MARCHF8: variants seen among roughly 807,000 people sequenced by gnomAD.
The protein encoded by MARCHF8 is membrane associated ring-CH-type finger 8, also known as E3 ubiquitin-protein ligase MARCHF8.
MARCHF8 carries 40 observed loss-of-function variants against 51.6 expected under a neutral mutation model. The observed-to-expected ratio is 0.77, with a 90% CI of 0.60 to 1.01. The LOEUF is 1.01. Among genes scored for constraint, MARCHF8 ranks in the 50% least tolerant of loss-of-function variants. MARCHF8 has a pLI of 0.00. For missense variants in MARCHF8, 685 were observed against 708.6 expected, an observed-to-expected ratio of 0.97 and a Z score of 0.38; for synonymous variants, 263 against 280.3, an observed-to-expected ratio of 0.94 and a Z score of 0.62.
chr10:45,498,039 A>G (rs1371986596), intron 2 of MARCHF8, among the ~76,000 whole-genome samples: 1 of 152,242 alleles, frequency 6.6e-6, no homozygotes, highest in African/African-American at 2.4e-5. Context: ...AGGTAACATT[A>G]TACTTAATGG....
At chr10:45,476,086 GC>G (rs2042782176) in intron 3 of MARCHF8, among the ~76,000 whole-genome samples, 2 of 152,192 alleles carry the variant, frequency 1.3e-5, no homozygotes, top group South Asian at 4.1e-4. Context: ...TCCTACAACA[GC>G]AAATTAAGAA....
intron 2 of MARCHF8, among the ~76,000 whole-genome samples, chr10:45,511,777 G>T (rs1454739263): frequency 6.6e-5 from 10 of 152,140 alleles, no homozygotes; most frequent in Admixed American, 6.5e-4. Flanking sequence ...CCTCCCAGCC[G>T]CCTGCCTTGG....
At chr10:45,488,993 T>C (rs540189486) in intron 3 of MARCHF8, among the ~76,000 whole-genome samples, 1 of 152,306 alleles carries the variant, frequency 6.6e-6, no homozygotes, top group South Asian at 2.1e-4. Flanking sequence ...TCCAGACACC[T>C]TGTCAAATGA....
At chr10:45,527,044 A>G (rs1347515501) in intron 2 of MARCHF8, among the ~76,000 whole-genome samples, 5 of 152,230 alleles carry the variant, frequency 3.3e-5, no homozygotes, top group Admixed American at 2.6e-4. Flanking sequence ...TGAAATTAAG[A>G]TGGAAGTTTA....
chr10:45,499,412 T>C (rs2043236107), intron 2 of MARCHF8, among the ~76,000 whole-genome samples: 1 of 152,206 alleles, frequency 6.6e-6, no homozygotes, highest in South Asian at 2.1e-4. Context: ...ACTGTTTCCT[T>C]TGATGCCCAG....
In MARCHF8 at chr10:45,562,490, C is replaced by G. The variant is rs190580127; in HGVS notation, c.-78-29201G>C. ...CCAGCAGACAGTAGAATATTATCTT[C>G]GAAGTATCAAGGAAACTTGTCAACT... On this transcript the variant is annotated intron_variant, in intron 1 of 6. Coordinates refer to the MARCHF8 transcript ENST00000319836. Among the ~76,000 whole-genome samples, 26 of 152,230 alleles carry G rather than the reference C, an allele frequency of 1.7e-4. No individual in the cohort carries two copies. The East Asian group carries it at 5.0e-3, about 29-fold the overall frequency.
chr10:45,573,685 C>T (rs1209533922), intron 1 of MARCHF8, among the ~76,000 whole-genome samples: 2 of 152,192 alleles, frequency 1.3e-5, no homozygotes, highest in African/African-American at 4.8e-5. Context: ...AAGACTGATG[C>T]TGCCCGATCA....
chr10:45,471,816 C>T lies in MARCHF8; in HGVS notation c.154-7489G>A, dbSNP rs1293939733. On this transcript the variant is annotated intron_variant, in intron 3 of 7. Transcript: ENST00000453424. ...AAGGGAGATGCAGAAATGCAGCACA[C>T]ACCACTCCAGGCACACCTCCAGTGT... Among the ~76,000 whole-genome samples, 3 of 152,232 alleles carry T rather than the reference C, an allele frequency of 2.0e-5. No homozygotes were observed. In the East Asian group the frequency reaches 5.8e-4, roughly 29 times the overall value.
intron 2 of MARCHF8, among the ~76,000 whole-genome samples, chr10:45,493,713 C>A (rs984476837): frequency 6.6e-6 from 1 of 152,184 alleles, no homozygotes; most frequent in Non-Finnish European, 1.5e-5. Context: ...CCCCAGACCA[C>A]AGTTTGAGGT....
In MARCHF8 at chr10:45,461,252, G is replaced by C. The variant is rs143744471; in HGVS notation, c.1248C>G (p.Thr416=). The change falls in exon 6 of 8, where the codon ACC becomes ACG. Residue 416 remains threonine, a synonymous_variant. Transcript: ENST00000453424. The part of the protein sequence containing the change: ...ELCKYEFIME[T]KLKPLRKWEK... ...GTACTTTTCTCAGTGGCTTCAGCTT[G>C]GTCTCCATGATGAACTCATACTTGC... 88 of 1,544,138 alleles carry C rather than the reference G, an allele frequency of 5.7e-5. No homozygotes were observed. The African/African-American group carries it at 1.2e-3, about 21-fold the overall frequency.
chr10:45,552,924 C>T lies in MARCHF8; in HGVS notation c.-78-19635G>A, dbSNP rs544014341. 2.6e-5 allele frequency among the ~76,000 whole-genome samples: 4 copies of T among 152,298 alleles called. No individual in the cohort carries two copies. The South Asian group carries it at 8.3e-4, about 32-fold the overall frequency. ...TATAAACTGATCACAAATGGACAAA[C>T]ATGTGGCTACAAAAGTAAGAAGTTA... is the stretch of plus-strand genomic sequence containing the variant. On this transcript the variant is annotated intron_variant, in intron 1 of 6. Coordinates refer to the MARCHF8 transcript ENST00000319836.
At position 45,463,417 on chromosome 10, in the gene MARCHF8, CA is replaced by C; in HGVS notation, c.821del (p.Leu274ArgfsTer48). The C allele has an allele frequency of 6.4e-7, 1 of 1,550,646 alleles. No individual in the cohort carries two copies. The highest frequency in any genetic ancestry group is 1.2e-5 in the South Asian group (1 of 84,066). ...SLSHGLSASS[L>X]HRFHELESCA... ...AGCTCTCCAGCTCATGGAACCTGTG[CA>C]GGCTGCTGGCGCTCAAGCCGTGCGA... On this transcript the variant is annotated frameshift_variant, in exon 5 of 8. Coordinates refer to ENST00000453424, the MANE Select transcript of MARCHF8 (RefSeq NM_001282866.2). LOFTEE classifies it high-confidence loss of function.
chr10:45,466,808 A>C (rs1352006511), intron 3 of MARCHF8, among the ~76,000 whole-genome samples: 1 of 152,192 alleles, frequency 6.6e-6, no homozygotes, highest in Non-Finnish European at 1.5e-5. Flanking sequence ...CTAAACTACA[A>C]GTAATCCAAG....
chr10:45,469,128 T>A (rs1317030553), intron 3 of MARCHF8, among the ~76,000 whole-genome samples: 1 of 151,702 alleles, frequency 6.6e-6, no homozygotes, highest in Non-Finnish European at 1.5e-5. Flanking sequence ...TGGGAAAAGT[T>A]CTCATTATGT....
Position 45,461,379 on chromosome 10 carries a change from G to A in MARCHF8, c.1121C>T (p.Pro374Leu), listed in dbSNP as rs1293202016. The A allele has an allele frequency of 1.3e-6, 2 of 1,594,424 alleles. No individual in the cohort carries two copies. The highest frequency in any genetic ancestry group is 1.7e-6 in the Non-Finnish European group (2 of 1,171,692). The change falls in exon 6 of 8, where the codon CCC (proline) becomes CTC (leucine). Residue 374 changes from proline to leucine, a missense_variant. By Grantham distance (98) the Pro-to-Leu change is moderately conservative. Coordinates refer to ENST00000453424, the MANE Select transcript of MARCHF8 (RefSeq NM_001282866.2). ...ICHCEGDDESPLITPCHCTGS... is the reference protein window; with the variant it reads ...ICHCEGDDESLLITPCHCTGS... ...TGTGCAGTGGCAGGGGGTGATCAGGGGGCTCTCATCATCTCCTTCACAGTG... is the reference window on the plus strand; with the variant it reads ...TGTGCAGTGGCAGGGGGTGATCAGGAGGCTCTCATCATCTCCTTCACAGTG...
intron 1 of MARCHF8, among the ~76,000 whole-genome samples, chr10:45,591,087 T>G (rs912493826): frequency 6.6e-6 from 1 of 152,144 alleles, no homozygotes; most frequent in African/African-American, 2.4e-5. Flanking sequence ...CCGCAAAACA[T>G]TGCTCCTAAC....
At chr10:45,474,681 AG>A (rs1163159208) in intron 3 of MARCHF8, among the ~76,000 whole-genome samples, 1 of 152,238 alleles carries the variant, frequency 6.6e-6, no homozygotes, top group African/African-American at 2.4e-5. Flanking sequence ...CAAAATAGCG[AG>A]GAAGAATCAG....
At chr10:45,580,035 A>G (rs2133419450) in intron 1 of MARCHF8, among the ~76,000 whole-genome samples, 1 of 149,024 alleles carries the variant, frequency 6.7e-6, no homozygotes, top group East Asian at 2.0e-4. Flanking sequence ...AAAAAAATCC[A>G]CAGTATTCTA....
intron 2 of MARCHF8, among the ~76,000 whole-genome samples, chr10:45,525,552 A>C (rs1174666375): frequency 1.3e-5 from 2 of 152,206 alleles, no homozygotes; most frequent in Non-Finnish European, 2.9e-5. Flanking sequence ...GAGGGGGAGC[A>C]CAACTCCCCA....
Sources: gnomAD v4.1 joint callset for allele counts (sites outside exome capture counted in the v4.1 genomes callset) on GRCh38, gnomAD v4.1.1 for gene constraint, MANE v1.5 for transcripts, NCBI Gene and HGNC (gene_info 2026-07-23, HGNC 2026-07-21) for gene names.